The following TCF7L2 variants were observed in gnomAD, a reference collection of about 807,000 sequenced individuals.
TCF7L2 encodes transcription factor 7 like 2.
Under a neutral mutation model 77.9 loss-of-function variants are expected in TCF7L2, and 23 were observed. The observed-to-expected ratio is 0.30, with a 90% CI of 0.21 to 0.42. The LOEUF is 0.42. Ranked by LOEUF, TCF7L2 falls within the 10% of genes least tolerant of loss-of-function variation. The pLI, the probability that TCF7L2 is intolerant of heterozygous loss-of-function variation, is 1.00. For synonymous variants in TCF7L2, 413 were observed against 340.2 expected, an observed-to-expected ratio of 1.21 and a Z score of -2.36; for missense variants, 654 against 793.1, an observed-to-expected ratio of 0.82 and a Z score of 2.11.
chr10:112,974,599 T>C (rs2039007361), intron 4 of TCF7L2, among the ~76,000 whole-genome samples: 2 of 152,226 alleles, frequency 1.3e-5, no homozygotes, highest in South Asian at 4.2e-4. Flanking sequence ...CCTGCCACCA[T>C]GCCTGGCTAA....
At chr10:113,062,280 C>T (rs183301790) in intron 5 of TCF7L2, among the ~76,000 whole-genome samples, 56 of 152,332 alleles carry the variant, frequency 3.7e-4, no homozygotes, top group Non-Finnish European at 6.5e-4. Flanking sequence ...GCTGTTGCCA[C>T]ATCATCTTGG....
intron 11 of TCF7L2, 83 bp from the exon 12 acceptor site, chr10:113,157,938 G>T (rs1278635775): frequency 3.5e-6 from 5 of 1,429,580 alleles, no homozygotes; most frequent in Non-Finnish European, 4.8e-6. Context: ...ACTTCCTCCT[G>T]CCTTCTCCTT....
At chr10:112,973,463 C>T (rs564139236) in intron 4 of TCF7L2, among the ~76,000 whole-genome samples, 5 of 152,112 alleles carry the variant, frequency 3.3e-5, no homozygotes, top group African/African-American at 1.2e-4. Flanking sequence ...AGTGAGCAGG[C>T]CAGGTTGAGG....
intron 1 of TCF7L2, 95 bp from the exon 2 acceptor site, chr10:112,951,112 C>T (rs2030911393): frequency 8.4e-6 from 10 of 1,193,452 alleles, no homozygotes; most frequent in Middle Eastern, 4.0e-4. Flanking sequence ...TTTTTTCTAC[C>T]CCCCCCTCGA....
chr10:113,049,764 C>T (rs1310791507), intron 5 of TCF7L2, among the ~76,000 whole-genome samples: 2 of 152,166 alleles, frequency 1.3e-5, no homozygotes, highest in Non-Finnish European at 2.9e-5. Context: ...TTTGTCCTGT[C>T]ACTTGATGAA....
intron 4 of TCF7L2, among the ~76,000 whole-genome samples, chr10:112,972,272 C>G (rs2038442831): frequency 6.6e-6 from 1 of 152,056 alleles, no homozygotes; most frequent in Admixed American, 6.6e-5. Context: ...GTTTTTGAGG[C>G]CTTTATTTTC....
At position 113,166,195 on chromosome 10, in the gene TCF7L2, A is replaced by G; in HGVS notation, c.*223A>G. The stretch of plus-strand genomic sequence containing the variant: ...GATGAGAGAAGAACCTCATGATTCT[A>G]CCAAAATTTTTATCAACAGCTGTTT... On this transcript the variant is annotated 3_prime_UTR_variant, in exon 14 of 14. Transcript: ENST00000627217. 2.5e-6 allele frequency: 1 copy of G among 403,526 alleles called. No individual in the cohort carries two copies. The allele number at this position is 403,526 out of a possible 1,614,324, so 25.0% of individuals were successfully genotyped here.
intron 4 of TCF7L2, among the ~76,000 whole-genome samples, chr10:112,990,165 A>G (rs1403279444): frequency 6.6e-6 from 1 of 152,232 alleles, no homozygotes; most frequent in East Asian, 1.9e-4. Flanking sequence ...AATTAGACAC[A>G]TAGCAGTGGG....
intron 4 of TCF7L2, among the ~76,000 whole-genome samples, chr10:113,015,446 CTTTTTT>C (rs67005436): frequency 9.7e-6 from 1 of 103,234 alleles, no homozygotes; most frequent in South Asian, 3.1e-4. Flanking sequence ...GCCTGATGAG[CTTTTTT>C]TTTTTTTTTT....
intron 5 of TCF7L2, chr10:113,089,458 A>G: frequency 1.2e-6 from 2 of 1,613,622 alleles, no homozygotes; most frequent in Non-Finnish European, 1.7e-6. Flanking sequence ...CCCCCCTCAG[A>G]CTTCACTGTC....
In TCF7L2 at chr10:113,120,053, C is replaced by T. The variant is rs150062790; in HGVS notation, c.553-21131C>T. On this transcript the variant is annotated intron_variant, in intron 5 of 13. Coordinates refer to ENST00000627217, the MANE Select transcript of TCF7L2 (RefSeq NM_001146274.2). ...TATTTTCTCATTGGTCTGTGTCCCT[C>T]GGCTAAGCTGTTGCCGCGGGCTGAG... Among the ~76,000 whole-genome samples, 199 of 152,316 alleles carry T rather than the reference C, an allele frequency of 1.3e-3. 1 individual carries two copies. Among genetic ancestry groups the T allele is most frequent in the Admixed American group, 2.7e-3 (42 of 15,292 alleles).
At chr10:113,095,282 C>T (rs1488473731) in intron 5 of TCF7L2, among the ~76,000 whole-genome samples, 6 of 152,286 alleles carry the variant, frequency 3.9e-5, no homozygotes, top group South Asian at 4.1e-4. Context: ...TGTATAGCCC[C>T]GGATTGTTCT....
intron 4 of TCF7L2, among the ~76,000 whole-genome samples, chr10:113,028,361 C>T (rs983431664): frequency 6.6e-6 from 1 of 152,154 alleles, no homozygotes; most frequent in Non-Finnish European, 1.5e-5. Flanking sequence ...CGTAAATCTT[C>T]ACCCTGGCTT....
intron 3 of TCF7L2, among the ~76,000 whole-genome samples, chr10:112,955,462 G>A (rs2033300249): frequency 6.6e-6 from 1 of 152,122 alleles, no homozygotes; most frequent in Non-Finnish European, 1.5e-5. Flanking sequence ...ATATGCCAGC[G>A]CTTTCCACTT....
At chr10:113,145,972 C>CCCCTT in intron 7 of TCF7L2, 39 bp from the exon 8 acceptor site, 5 of 1,342,580 alleles carry the variant, frequency 3.7e-6, no homozygotes, top group Admixed American at 1.8e-5. Flanking sequence ...CACCCCCACC[C>CCCCTT]TTGTTTCAAG....
intron 7 of TCF7L2, among the ~76,000 whole-genome samples, chr10:113,145,571 C>A (rs549296151): frequency 1.4e-4 from 21 of 152,142 alleles, no homozygotes; most frequent in African/African-American, 4.8e-4. Context: ...GTTTTCTCAC[C>A]GAGATCTAAA....
At position 113,136,152 on chromosome 10, in the gene TCF7L2, C is replaced by T. The variant is rs529856734; in HGVS notation, c.553-5032C>T. Among the ~76,000 whole-genome samples, 133 of 152,214 alleles carry T rather than the reference C, an allele frequency of 8.7e-4. 2 individuals are homozygous for T. In the South Asian group the frequency reaches 0.027, roughly 31 times the overall value. On this transcript the variant is annotated intron_variant, in intron 5 of 13. Transcript: ENST00000627217. ...ACCGCGTGGAACTGATAACAAATGC[C>T]GACTACTTCATAGGCTCGTTGTGAG...
chr10:113,008,119 A>G (rs748202170), intron 4 of TCF7L2, among the ~76,000 whole-genome samples: 1 of 152,116 alleles, frequency 6.6e-6, no homozygotes, highest in Non-Finnish European at 1.5e-5. Flanking sequence ...CTTTGCAGAC[A>G]CTTTGGTTGT....
chr10:112,960,973 G>A (rs1368233080), intron 3 of TCF7L2, among the ~76,000 whole-genome samples: 1 of 152,074 alleles, frequency 6.6e-6, no homozygotes, highest in Non-Finnish European at 1.5e-5. Context: ...GATTACAGGC[G>A]CGAGCCATTG....
Sources: allele counts gnomAD v4.1 joint callset (sites outside exome capture counted in the v4.1 genomes callset), GRCh38; gene constraint gnomAD v4.1.1; transcripts MANE v1.5; gene names NCBI Gene and HGNC (gene_info 2026-07-23, HGNC 2026-07-21).